The following FAM107B variants were observed in gnomAD, a reference collection of about 807,000 sequenced individuals.
The protein encoded by FAM107B is protein FAM107B.
In FAM107B, 21 loss-of-function variants were observed where a neutral mutation model predicts 31.5. The ratio of observed to expected loss-of-function variants is 0.67; its 90% CI spans 0.47 to 0.96. The LOEUF (loss-of-function observed/expected upper bound fraction) is 0.96, where lower values mean the gene tolerates loss of function less well. Among genes scored for constraint, FAM107B ranks in the 40% least tolerant of loss-of-function variants. FAM107B has a pLI of 0.00. For missense variants in FAM107B, 452 were observed against 377.1 expected, an observed-to-expected ratio of 1.20 and a Z score of -1.64; for synonymous variants, 157 against 141.5, an observed-to-expected ratio of 1.11 and a Z score of -0.78.
chr10:14,675,446 T>G (rs1854659794), intron 1 of FAM107B, among the ~76,000 whole-genome samples: 1 of 152,182 alleles, frequency 6.6e-6, no homozygotes, highest in Non-Finnish European at 1.5e-5. Context: ...GGTCAGTAGC[T>G]TTCTGCTCCA....
rs1564621080 is a variant in FAM107B at position 14,671,905 on chromosome 10, C to CAAAAAAA, written c.412-4215_412-4214insTTTTTTT. Among the ~76,000 whole-genome samples the CAAAAAAA allele has an allele frequency of 1.2e-3, 169 of 137,758 alleles. 3 individuals carry two copies. Among genetic ancestry groups the CAAAAAAA allele is most frequent in the African/African-American group, 4.6e-3 (161 of 34,626 alleles). 90.4% of individuals were successfully genotyped at this position (137,758 alleles called of 152,430 possible). The stretch of plus-strand genomic sequence containing the variant: ...AAAAACAAAAAAACAAAAAAAAAAC[C>CAAAAAAA]CTCTATTTCTTTTTAAATCAAACTG... On this transcript the variant is annotated intron_variant, in intron 1 of 4. Coordinates refer to ENST00000181796, the MANE Select transcript of FAM107B (RefSeq NM_031453.4).
intron 2 of FAM107B, among the ~76,000 whole-genome samples, chr10:14,609,807 G>A (rs1026693485): frequency 3.3e-5 from 5 of 152,324 alleles, no homozygotes; most frequent in Admixed American, 3.3e-4. Context: ...CAGATGGAAG[G>A]ACAGGCAAAC....
chr10:14,621,416 A>G (rs2182454), intron 2 of FAM107B, among the ~76,000 whole-genome samples: 148,123 of 152,354 alleles, frequency 0.97, 72,156 homozygotes, highest in Middle Eastern at 1. Flanking sequence ...AAACTATAAT[A>G]TTCCCTTTGG....
At chr10:14,654,145 G>C (rs537145275) in intron 2 of FAM107B, among the ~76,000 whole-genome samples, 1 of 151,124 alleles carries the variant, frequency 6.6e-6, no homozygotes, top group African/African-American at 2.4e-5. Flanking sequence ...TGCAGGCCTG[G>C]TTTGGCTAGT....
At chr10:14,536,456 C>T (rs1258889789) in intron 2 of FAM107B, among the ~76,000 whole-genome samples, 2 of 152,288 alleles carry the variant, frequency 1.3e-5, no homozygotes, top group South Asian at 2.1e-4. Flanking sequence ...AAGGTGGAGG[C>T]GGCAAACTCC....
intron 1 of FAM107B, among the ~76,000 whole-genome samples, chr10:14,710,921 T>A (rs7072374): frequency 7.5e-5 from 9 of 120,700 alleles, no homozygotes; most frequent in African/African-American, 2.5e-4. Flanking sequence ...AAAGAAATAA[T>A]TTTTTTTTTG....
chr10:14,579,467 C>G (rs887158657), intron 2 of FAM107B, among the ~76,000 whole-genome samples: 2 of 152,188 alleles, frequency 1.3e-5, no homozygotes, highest in African/African-American at 4.8e-5. Context: ...ACAGAGGAAA[C>G]CAGTGAGAGG....
intron 2 of FAM107B, among the ~76,000 whole-genome samples, chr10:14,571,407 T>C (rs1851214756): frequency 6.6e-6 from 1 of 152,174 alleles, no homozygotes; most frequent in African/African-American, 2.4e-5. Flanking sequence ...ATCAGGATCC[T>C]AGACACTTAA....
chr10:14,531,338 G>C (rs532809714), intron 2 of FAM107B, among the ~76,000 whole-genome samples: 2 of 151,890 alleles, frequency 1.3e-5, no homozygotes, highest in South Asian at 4.2e-4. Flanking sequence ...GGGCAACATA[G>C]CAAGACCCCA....
intron 2 of FAM107B, among the ~76,000 whole-genome samples, chr10:14,666,055 A>G (rs978339520): frequency 6.6e-6 from 1 of 152,182 alleles, no homozygotes; most frequent in Non-Finnish European, 1.5e-5. Flanking sequence ...CTGAATTACT[A>G]CTATGTATCA....
intron 2 of FAM107B, 73 bp from the exon 3 acceptor site, chr10:14,530,588 A>T: frequency 7.0e-7 from 1 of 1,422,026 alleles, no homozygotes; most frequent in Non-Finnish European, 9.7e-7. Flanking sequence ...AGAGGCCCAC[A>T]GAGCTGTGCT....
chr10:14,592,170 C>T (rs1337915459), intron 2 of FAM107B, among the ~76,000 whole-genome samples: 4 of 152,298 alleles, frequency 2.6e-5, no homozygotes, highest in South Asian at 2.1e-4. Context: ...CAGCCATCCC[C>T]GAGTTGAAAG....
At chr10:14,668,311 G>T (rs558327149) in intron 1 of FAM107B, among the ~76,000 whole-genome samples, 1 of 152,194 alleles carries the variant, frequency 6.6e-6, no homozygotes, top group African/African-American at 2.4e-5. Flanking sequence ...CCAAAGTGCT[G>T]GGGTTCCAGG....
chr10:14,600,434 C>T (rs1474871201), intron 2 of FAM107B, among the ~76,000 whole-genome samples: 2 of 152,172 alleles, frequency 1.3e-5, no homozygotes, highest in Non-Finnish European at 2.9e-5. Context: ...CTGATGGGCG[C>T]TAGGCAAATC....
intron 2 of FAM107B, among the ~76,000 whole-genome samples, chr10:14,626,503 T>C (rs887718600): frequency 5.7e-5 from 6 of 104,848 alleles, no homozygotes; most frequent in Non-Finnish European, 1.3e-4. Flanking sequence ...GCGGATCTTT[T>C]TTTTCTTTTT....
chr10:14,594,234 G>C (rs1289296688), intron 2 of FAM107B, among the ~76,000 whole-genome samples: 2 of 152,176 alleles, frequency 1.3e-5, no homozygotes, highest in Non-Finnish European at 2.9e-5. Context: ...ACAATTTTCA[G>C]CCAGGCACGG....
chr10:14,567,342 G>A lies in FAM107B; in HGVS notation c.470-36827C>T, dbSNP rs876655. ...GAAGGTCAGAGAATGGCCTTCGCAC[G>A]ACTGTCCCGTGAGCTGTGGAAAGAT... On this transcript the variant is annotated intron_variant, in intron 2 of 4. Transcript: ENST00000181796. Among the ~76,000 whole-genome samples, 4 of 151,964 alleles carry A rather than the reference G, an allele frequency of 2.6e-5. No individual in the cohort carries two copies. In the East Asian group the frequency reaches 7.7e-4, roughly 29 times the overall value.
At chr10:14,533,137 G>A (rs1459765812) in intron 2 of FAM107B, among the ~76,000 whole-genome samples, 1 of 152,186 alleles carries the variant, frequency 6.6e-6, no homozygotes, top group African/African-American at 2.4e-5. Flanking sequence ...TGACTCATGA[G>A]TTAAAAGATT....
At chr10:14,696,827 G>T (rs1011448208) in intron 1 of FAM107B, among the ~76,000 whole-genome samples, 1 of 152,126 alleles carries the variant, frequency 6.6e-6, no homozygotes, top group African/African-American at 2.4e-5. Context: ...TGGGATGAGG[G>T]AGCAGACCCC....
Sources: allele counts gnomAD v4.1 joint callset (sites outside exome capture counted in the v4.1 genomes callset), GRCh38; gene constraint gnomAD v4.1.1; transcripts MANE v1.5; gene names NCBI Gene and HGNC (gene_info 2026-07-23, HGNC 2026-07-21).